The following LOC128125817 variants were observed in gnomAD, a reference collection of about 807,000 sequenced individuals.
chr1:41,599,143 G>T, the LOC128125817 span, among the ~76,000 whole-genome samples: 3 of 152,158 alleles, frequency 2.0e-5, no homozygotes, highest in Non-Finnish European at 4.4e-5. Flanking sequence ...CAAGAAAAAT[G>T]CATCTGATAG....
chr1:41,606,952 C>A, the LOC128125817 span, among the ~76,000 whole-genome samples: 2 of 151,698 alleles, frequency 1.3e-5, no homozygotes, highest in Non-Finnish European at 2.9e-5. Flanking sequence ...TCAGTATGAT[C>A]TTTCTAGTTT....
the LOC128125817 span, among the ~76,000 whole-genome samples, chr1:41,589,439 C>T: frequency 2.0e-5 from 3 of 152,224 alleles, no homozygotes; most frequent in Non-Finnish European, 2.9e-5. Context: ...CCACAAAAGC[C>T]TCAGGGGAGT....
chr1:41,612,896 C>T, the LOC128125817 span, among the ~76,000 whole-genome samples: 6 of 152,346 alleles, frequency 3.9e-5, no homozygotes, highest in East Asian at 7.7e-4. Flanking sequence ...ACTGAAGCCT[C>T]AGAAGAACCG....
the LOC128125817 span, among the ~76,000 whole-genome samples, chr1:41,614,911 G>A: frequency 1.3e-5 from 2 of 152,292 alleles, no homozygotes; most frequent in South Asian, 4.1e-4. Flanking sequence ...GCTGTTTTAA[G>A]TAGGGAGCCC....
At chr1:41,616,733 T>G in the LOC128125817 span, among the ~76,000 whole-genome samples, 1 of 151,546 alleles carries the variant, frequency 6.6e-6, no homozygotes, top group Non-Finnish European at 1.5e-5. Flanking sequence ...GATTACAGGC[T>G]TGTGCTACTG....
chr1:41,597,638 T>A, the LOC128125817 span, among the ~76,000 whole-genome samples: 1 of 152,182 alleles, frequency 6.6e-6, no homozygotes, highest in Admixed American at 6.5e-5. Flanking sequence ...ACTCCTGCAG[T>A]GGTGACCCTC....
chr1:41,609,147 A>G, the LOC128125817 span, among the ~76,000 whole-genome samples: 1 of 152,168 alleles, frequency 6.6e-6, no homozygotes, highest in Non-Finnish European at 1.5e-5. Flanking sequence ...GGACTTAGGA[A>G]ATCAATGCAT....
At chr1:41,588,753 G>A in the LOC128125817 span, among the ~76,000 whole-genome samples, 1 of 152,176 alleles carries the variant, frequency 6.6e-6, no homozygotes, top group African/African-American at 2.4e-5. Context: ...GTGAGCTGGA[G>A]GGGCCACCCT....
the LOC128125817 span, among the ~76,000 whole-genome samples, chr1:41,617,441 C>T: frequency 2.6e-5 from 4 of 152,198 alleles, no homozygotes; most frequent in African/African-American, 9.6e-5. Context: ...CTCCAGACAA[C>T]CCCTGGGGTG....
chr1:41,620,620 C>A, the LOC128125817 span, among the ~76,000 whole-genome samples: 2 of 152,196 alleles, frequency 1.3e-5, no homozygotes, highest in Non-Finnish European at 2.9e-5. Context: ...ACCTGCCCCA[C>A]CCAGCACGCC....
chr1:41,609,738 C>T, the LOC128125817 span, among the ~76,000 whole-genome samples: 4 of 152,236 alleles, frequency 2.6e-5, no homozygotes, highest in Non-Finnish European at 2.9e-5. Flanking sequence ...TCAGAACACA[C>T]GCCGTTCCCA....
At chr1:41,624,240 C>T in the LOC128125817 span, among the ~76,000 whole-genome samples, 1,169 of 152,282 alleles carry the variant, frequency 7.7e-3, 16 homozygotes, top group African/African-American at 0.027. Flanking sequence ...AAATGAGAAC[C>T]ACCAATATTT....
chr1:41,594,450 T>C, the LOC128125817 span, among the ~76,000 whole-genome samples: 15 of 152,134 alleles, frequency 9.9e-5, no homozygotes, highest in African/African-American at 3.6e-4. Context: ...CTTGAACTCC[T>C]GACCTCAAGT....
the LOC128125817 span, among the ~76,000 whole-genome samples, chr1:41,619,867 G>A: frequency 6.6e-6 from 1 of 152,176 alleles, no homozygotes; most frequent in African/African-American, 2.4e-5. Flanking sequence ...TAGCCCCAGA[G>A]AGGCTGCTCA....
chr1:41,586,858 T>C, the LOC128125817 span, among the ~76,000 whole-genome samples: 1 of 151,966 alleles, frequency 6.6e-6, no homozygotes, highest in African/African-American at 2.4e-5. Context: ...CAAAACCATA[T>C]TTATAGAAGA....
At chr1:41,616,459 C>T in the LOC128125817 span, among the ~76,000 whole-genome samples, 21 of 152,158 alleles carry the variant, frequency 1.4e-4, no homozygotes, top group Admixed American at 7.8e-4. Flanking sequence ...TCAGAGTCTC[C>T]GGGTTGAAGG....
At chr1:41,623,898 C>T in the LOC128125817 span, among the ~76,000 whole-genome samples, 2 of 59,568 alleles carry the variant, frequency 3.4e-5, no homozygotes, top group African/African-American at 1.5e-4. Flanking sequence ...CTCTGCATGC[C>T]GATCAGAGTG....
the LOC128125817 span, chr1:41,628,639 A>T: frequency 1.2e-6 from 1 of 869,078 alleles, no homozygotes; most frequent in Admixed American, 4.3e-5. Context: ...CAACGATAAC[A>T]CTAATAATAA....
chr1:41,608,224 G>A, the LOC128125817 span, among the ~76,000 whole-genome samples: 19 of 152,218 alleles, frequency 1.2e-4, no homozygotes, highest in Non-Finnish European at 2.2e-4. Flanking sequence ...AAGCAGTGTG[G>A]CAAGTCTCCT....
Sources: allele counts gnomAD v4.1 joint callset (sites outside exome capture counted in the v4.1 genomes callset), GRCh38; gene constraint gnomAD v4.1.1; transcripts MANE v1.5.